Variants in SCAI observed in about 807,000 individuals in gnomAD.
SCAI encodes the protein suppressor of cancer cell invasion.
SCAI carries 24 observed loss-of-function variants against 92.2 expected under a neutral mutation model. The ratio of observed to expected loss-of-function variants is 0.26; its 90% confidence interval spans 0.19 to 0.37. SCAI has a LOEUF of 0.37. Ranked by LOEUF, SCAI falls within the 10% of genes least tolerant of loss-of-function variation. SCAI has a pLI of 1.00. For missense variants in SCAI, 450 were observed against 736.2 expected (o/e 0.61, Z 4.50); for synonymous variants, 261 against 258.6 (o/e 1.01, Z -0.09).
chr9:125,129,442 G>T (rs1215812470), intron 2 of SCAI, among the ~76,000 whole-genome samples: 1 of 121,298 alleles, frequency 8.2e-6, no homozygotes, highest in Non-Finnish European at 1.7e-5. Context: ...AGGAATGAAA[G>T]AATTAGAATT....
intron 2 of SCAI, among the ~76,000 whole-genome samples, chr9:125,133,499 T>G (rs1025993720): frequency 6.6e-6 from 1 of 152,206 alleles, no homozygotes; most frequent in African/African-American, 2.4e-5. Context: ...AGCAAAAGAT[T>G]TGGATACTTC....
At chr9:125,049,981 CG>C (rs2100202354) in intron 3 of SCAI, among the ~76,000 whole-genome samples, 2 of 151,760 alleles carry the variant, frequency 1.3e-5, no homozygotes, top group Admixed American at 6.6e-5. Flanking sequence ...TGCACTTTTC[CG>C]CAGTCAATTA....
In SCAI at chr9:124,989,310, T is replaced by C. The variant is rs534639579; in HGVS notation, c.1326+5624A>G. Among the ~76,000 whole-genome samples, 5 of 152,246 alleles carry C rather than the reference T, an allele frequency of 3.3e-5. No individual in the cohort carries two copies. The East Asian group carries it at 7.8e-4, about 24-fold the overall frequency. ...TTAAGAAATATTGGGCTCGGCGCCGTGGCTCAGGCTGAGCATGGTGGCTCA... is the reference window on the plus strand; with the variant it reads ...TTAAGAAATATTGGGCTCGGCGCCGCGGCTCAGGCTGAGCATGGTGGCTCA... On this transcript the variant is annotated intron_variant, in intron 14 of 17. Transcript: ENST00000336505.
At chr9:124,983,645 G>A (rs1156907237) in intron 14 of SCAI, among the ~76,000 whole-genome samples, 2 of 152,240 alleles carry the variant, frequency 1.3e-5, no homozygotes, top group African/African-American at 2.4e-5. Context: ...GAGCCACCGT[G>A]CCCGGCCTAG....
intron 2 of SCAI, among the ~76,000 whole-genome samples, chr9:125,099,599 C>T (rs1339272241): frequency 6.6e-6 from 1 of 152,148 alleles, no homozygotes; most frequent in Non-Finnish European, 1.5e-5. Flanking sequence ...CAAATACAAA[C>T]CTTATGTTTA....
At chr9:125,126,420 TGTGAGA>T (rs1450421121) in intron 2 of SCAI, among the ~76,000 whole-genome samples, 2 of 149,944 alleles carry the variant, frequency 1.3e-5, no homozygotes, top group South Asian at 2.1e-4. Flanking sequence ...TGTGTGTGTG[TGTGAGA>T]GAGAGAGAGA....
chr9:124,994,683 C>G (rs1832202656), intron 14 of SCAI, among the ~76,000 whole-genome samples: 1 of 152,096 alleles, frequency 6.6e-6, no homozygotes, highest in South Asian at 2.1e-4. Flanking sequence ...TCTTGGAAAT[C>G]TTGAATTTTT....
chr9:125,075,144 A>G (rs1179863684), intron 2 of SCAI, among the ~76,000 whole-genome samples: 1 of 152,210 alleles, frequency 6.6e-6, no homozygotes, highest in East Asian at 1.9e-4. Context: ...CATCCAAAAT[A>G]TGAATCTGGA....
chr9:124,990,119 A>G (rs1832087653), intron 14 of SCAI, among the ~76,000 whole-genome samples: 1 of 152,140 alleles, frequency 6.6e-6, no homozygotes, highest in Non-Finnish European at 1.5e-5. Flanking sequence ...GGTTACAGTG[A>G]GCCAAGATCA....
intron 2 of SCAI, among the ~76,000 whole-genome samples, chr9:125,072,388 A>G (rs2131164644): frequency 6.6e-6 from 1 of 152,342 alleles, no homozygotes; most frequent in Middle Eastern, 3.4e-3. Flanking sequence ...AGTAAGAATT[A>G]TATCATTCCA....
At chr9:124,988,551 T>C (rs545852370) in intron 14 of SCAI, among the ~76,000 whole-genome samples, 186 of 152,198 alleles carry the variant, frequency 1.2e-3, no homozygotes, top group African/African-American at 4.4e-3. Flanking sequence ...TAAACACACA[T>C]GCATCTATTT....
At chr9:125,119,359 A>G (rs1835113253) in intron 2 of SCAI, among the ~76,000 whole-genome samples, 1 of 152,184 alleles carries the variant, frequency 6.6e-6, no homozygotes, top group Admixed American at 6.5e-5. Context: ...TCTAAACTAG[A>G]AGTACATGAA....
chr9:125,136,917 T>C (rs1307908844), intron 2 of SCAI, among the ~76,000 whole-genome samples: 1 of 151,922 alleles, frequency 6.6e-6, no homozygotes, highest in African/African-American at 2.4e-5. Flanking sequence ...TGCGCCATTG[T>C]GCCTGACTAA....
At chr9:125,135,576 C>A (rs550345552) in intron 2 of SCAI, among the ~76,000 whole-genome samples, 1 of 152,204 alleles carries the variant, frequency 6.6e-6, no homozygotes, top group East Asian at 1.9e-4. Flanking sequence ...CCACTTGAAC[C>A]CAGGAGGCAG....
At chr9:125,018,293 G>A (rs891848454) in intron 9 of SCAI, among the ~76,000 whole-genome samples, 1 of 151,680 alleles carries the variant, frequency 6.6e-6, no homozygotes, top group Non-Finnish European at 1.5e-5. Flanking sequence ...ATGGGGCTTC[G>A]TCATGTTGGC....
At chr9:124,992,810 T>C (rs1346002161) in intron 14 of SCAI, among the ~76,000 whole-genome samples, 2 of 152,222 alleles carry the variant, frequency 1.3e-5, no homozygotes, top group African/African-American at 2.4e-5. Flanking sequence ...ACAGCTGTCC[T>C]GTGCATCACA....
intron 9 of SCAI, among the ~76,000 whole-genome samples, chr9:125,015,461 T>C (rs1395461805): frequency 6.6e-6 from 1 of 151,966 alleles, no homozygotes; most frequent in South Asian, 2.1e-4. Context: ...ATCAGAGAAA[T>C]GCAAATCAAA....
chr9:124,988,131 A>G (rs1832037763), intron 14 of SCAI, among the ~76,000 whole-genome samples: 1 of 152,010 alleles, frequency 6.6e-6, no homozygotes, highest in African/African-American at 2.4e-5. Flanking sequence ...CTAGACCTTT[A>G]TATTCCAGGT....
rs1831127644 is a variant in SCAI at position 124,945,245 on chromosome 9, C to A, written c.*7562G>T. On this transcript the variant is annotated 3_prime_UTR_variant, in exon 18 of 18. Coordinates refer to ENST00000336505, the MANE Select transcript of SCAI (RefSeq NM_001144877.3). Reference sequence around the variant, plus strand: ...TAAACATGGCACTGGTTAAAGTAGTCTGATAACTATTAAAAAGAATTTTTT... The same window carrying A: ...TAAACATGGCACTGGTTAAAGTAGTATGATAACTATTAAAAAGAATTTTTT... The A allele has an allele frequency of 6.6e-6, 1 of 152,106 alleles. No homozygotes were observed. The highest frequency in any genetic ancestry group is 2.4e-5 in the African/African-American group (1 of 41,428). 9.4% of individuals were successfully genotyped at this position (152,106 alleles called of 1,614,324 possible).
Sources: gnomAD v4.1 joint callset for allele counts (sites outside exome capture counted in the v4.1 genomes callset) on GRCh38, gnomAD v4.1.1 for gene constraint, MANE v1.5 for transcripts, NCBI Gene and HGNC (gene_info 2026-07-23, HGNC 2026-07-21) for gene names.